SNX29: variants seen among roughly 807,000 people sequenced by gnomAD.
SNX29 encodes the protein sorting nexin 29, also known as sorting nexin-29.
A neutral mutation model predicts 102.1 loss-of-function variants in SNX29; 78 were observed. The observed-to-expected ratio is 0.76, with a 90% CI of 0.64 to 0.92. SNX29 has a LOEUF of 0.92. Among genes scored for constraint, SNX29 ranks in the 40% least tolerant of loss-of-function variants. The pLI is 0.00. For missense variants in SNX29, 1,280 were observed against 1,061.7 expected, an observed-to-expected ratio of 1.21 and a Z score of -2.86; for synonymous variants, 580 against 414.5, an observed-to-expected ratio of 1.40 and a Z score of -4.85.
At chr16:12,012,700 C>A (rs2151061888) in intron 3 of SNX29, among the ~76,000 whole-genome samples, 1 of 152,194 alleles carries the variant, frequency 6.6e-6, no homozygotes, top group Non-Finnish European at 1.5e-5. Context: ...AGCCACCGTG[C>A]CTGGCAGGGC....
chr16:12,393,119 G>C (rs938647090), intron 16 of SNX29, among the ~76,000 whole-genome samples: 1 of 152,220 alleles, frequency 6.6e-6, no homozygotes, highest in African/African-American at 2.4e-5. Context: ...GTGAGAAAGT[G>C]ACTCTGGAAA....
chr16:12,163,042 C>T (rs2141680280), intron 13 of SNX29, among the ~76,000 whole-genome samples: 1 of 152,216 alleles, frequency 6.6e-6, no homozygotes, highest in South Asian at 2.1e-4. Flanking sequence ...CCACCATGCC[C>T]AGCTAATTTT....
At chr16:12,035,392 C>G (rs1191239903) in intron 4 of SNX29, among the ~76,000 whole-genome samples, 2 of 151,946 alleles carry the variant, frequency 1.3e-5, no homozygotes, top group Non-Finnish European at 2.9e-5. Context: ...ATTTCCTACT[C>G]TTTAATAAAG....
chr16:12,232,531 A>T (rs1035085536), intron 14 of SNX29, among the ~76,000 whole-genome samples: 2 of 152,208 alleles, frequency 1.3e-5, no homozygotes, highest in African/African-American at 4.8e-5. Flanking sequence ...AAACAAACAA[A>T]TAAATGCTTG....
At chr16:12,040,575 G>A (rs1222239317) in intron 4 of SNX29, among the ~76,000 whole-genome samples, 2 of 152,074 alleles carry the variant, frequency 1.3e-5, no homozygotes, top group Non-Finnish European at 2.9e-5. Flanking sequence ...GAAATCTTTC[G>A]TAAGGAACTA....
At chr16:12,315,230 G>A (rs2080693441) in intron 15 of SNX29, among the ~76,000 whole-genome samples, 2 of 152,188 alleles carry the variant, frequency 1.3e-5, no homozygotes, top group African/African-American at 4.8e-5. Flanking sequence ...AGTTGAGAGT[G>A]ATGCAGAAAA....
chr16:12,018,428 A>T (rs1312816721), intron 3 of SNX29, among the ~76,000 whole-genome samples: 1 of 151,040 alleles, frequency 6.6e-6, no homozygotes, highest in African/African-American at 2.4e-5. Flanking sequence ...ATTAAAAAAA[A>T]AAAAATCAGC....
intron 15 of SNX29, among the ~76,000 whole-genome samples, chr16:12,311,969 C>T (rs901133517): frequency 6.6e-6 from 1 of 152,176 alleles, no homozygotes; most frequent in Non-Finnish European, 1.5e-5. Context: ...GCCCAGGTTT[C>T]TTCTGCTTTG....
At chr16:11,992,371 GC>G (rs2055886491) in intron 1 of SNX29, among the ~76,000 whole-genome samples, 1 of 150,978 alleles carries the variant, frequency 6.6e-6, no homozygotes. Flanking sequence ...CAGTTCAGGG[GC>G]ATTTAGTACA....
intron 15 of SNX29, among the ~76,000 whole-genome samples, chr16:12,318,700 G>A (rs1035567867): frequency 6.7e-6 from 1 of 149,342 alleles, no homozygotes; most frequent in African/African-American, 2.4e-5. Context: ...GGGAAGAGAA[G>A]AATTTTTTTT....
intron 14 of SNX29, among the ~76,000 whole-genome samples, chr16:12,232,099 T>A (rs1257914888): frequency 1.3e-5 from 2 of 152,178 alleles, no homozygotes; most frequent in Non-Finnish European, 2.9e-5. Context: ...TTTTTAGCAG[T>A]TGTTGTGATT....
At position 12,442,341 on chromosome 16, in the gene SNX29, A is replaced by G. The variant is rs915282153; in HGVS notation, c.2038-35378A>G. Among the ~76,000 whole-genome samples, 12 of 152,262 alleles carry G rather than the reference A, an allele frequency of 7.9e-5. 1 individual carries two copies. Among genetic ancestry groups the G allele is most frequent in the Admixed American group, 7.2e-4 (11 of 15,290 alleles). The stretch of plus-strand genomic sequence containing the variant: ...ACTCTGGCTTATTAGGACGTCTTGG[A>G]ATCAGGAAGTGTCTATTCACTCTCC... On this transcript the variant is annotated intron_variant, in intron 18 of 20. Coordinates refer to ENST00000566228, the MANE Select transcript of SNX29 (RefSeq NM_032167.5).
At chr16:12,470,309 C>T (rs1331130821) in intron 18 of SNX29, among the ~76,000 whole-genome samples, 1 of 152,236 alleles carries the variant, frequency 6.6e-6, no homozygotes, top group African/African-American at 2.4e-5. Context: ...TCCACGTTCG[C>T]TGTGTGTCAG....
chr16:12,262,469 T>C (rs1321850931), intron 14 of SNX29, among the ~76,000 whole-genome samples: 1 of 152,192 alleles, frequency 6.6e-6, no homozygotes, highest in Admixed American at 6.5e-5. Flanking sequence ...TAGATGGTGG[T>C]GTTATTTGAA....
At chr16:12,250,858 C>T (rs907681172) in intron 14 of SNX29, among the ~76,000 whole-genome samples, 3 of 147,028 alleles carry the variant, frequency 2.0e-5, no homozygotes, top group Admixed American at 6.8e-5. Context: ...CGTCTCTTCC[C>T]AGAGAGCTCC....
chr16:12,072,193 T>G (rs1320265490), intron 10 of SNX29, among the ~76,000 whole-genome samples: 6 of 151,236 alleles, frequency 4.0e-5, no homozygotes, highest in African/African-American at 1.4e-4. Context: ...GGCCAAAACT[T>G]TCAACACTAT....
At chr16:12,148,453 A>C (rs1001159407) in intron 13 of SNX29, among the ~76,000 whole-genome samples, 1 of 143,866 alleles carries the variant, frequency 7.0e-6, no homozygotes, top group Admixed American at 6.9e-5. Context: ...TTTGTTAGGG[A>C]GTTGACGTTA....
rs2141579525 is a variant in SNX29, at chr16:12,569,793, A to C, written c.*1164A>C. On this transcript the variant is annotated 3_prime_UTR_variant, in exon 21 of 21. Coordinates refer to ENST00000566228, the MANE Select transcript of SNX29 (RefSeq NM_032167.5). The stretch of plus-strand genomic sequence containing the variant: ...ACCTCACAGAGCAATAGCCGTCCTC[A>C]GATGCTCAGCAAAGTTGTGGCAGTT... 2 of 230,406 alleles carry C rather than the reference A, an allele frequency of 8.7e-6. No homozygotes were observed. Among genetic ancestry groups the C allele is most frequent in the Non-Finnish European group, 8.6e-6 (1 of 116,256 alleles). 14.3% of individuals were successfully genotyped at this position (230,406 alleles called of 1,614,324 possible). A position where few individuals can be genotyped will look rare whatever the true frequency, so the allele number is the denominator to read the frequency against.
intron 15 of SNX29, among the ~76,000 whole-genome samples, chr16:12,312,227 A>G (rs562828041): frequency 6.6e-6 from 1 of 152,304 alleles, no homozygotes; most frequent in Admixed American, 6.5e-5. Flanking sequence ...TTGATGAATG[A>G]ATGAATGTCC....
Sources: gnomAD v4.1 joint callset for allele counts (sites outside exome capture counted in the v4.1 genomes callset) on GRCh38, gnomAD v4.1.1 for gene constraint, MANE v1.5 for transcripts, NCBI Gene and HGNC (gene_info 2026-07-23, HGNC 2026-07-21) for gene names.